The following KIF13A variants were observed in gnomAD, a reference collection of about 807,000 sequenced individuals.
KIF13A encodes kinesin-like protein KIF13A.
A neutral mutation model predicts 212.2 loss-of-function variants in KIF13A; 79 were observed. The ratio of observed to expected loss-of-function variants is 0.37; its 90% CI spans 0.31 to 0.45. The LOEUF is 0.45. Ranked by LOEUF, KIF13A falls within the 20% of genes least tolerant of loss-of-function variation. The pLI is 1.00. For synonymous variants in KIF13A, 789 were observed against 808.6 expected, an observed-to-expected ratio of 0.98 and a Z score of 0.41; for missense variants, 1,901 against 2,209.0, an observed-to-expected ratio of 0.86 and a Z score of 2.79.
chr6:17,836,820 C>A, intron 11 of KIF13A, 58 bp downstream of exon 11: 10 of 1,481,792 alleles, frequency 6.7e-6, no homozygotes, highest in Non-Finnish European at 9.4e-6. Flanking sequence ...ACACCCTTGC[C>A]AGTCAAATCC....
rs1297813935 is a variant in KIF13A, at chr6:17,838,381, G to A, written c.831-798C>T. On this transcript the variant is annotated intron_variant, in intron 9 of 38. Coordinates refer to ENST00000259711, the MANE Select transcript of KIF13A (RefSeq NM_022113.6). This position sits in a 1 kb window ranked among gnomAD's most constrained non-coding sequence, Gnocchi z 4.2. The stretch of plus-strand genomic sequence containing the variant: ...CAAAGAAGGACACAAACTAGCAAGT[G>A]AAAGACTAGACAGCTTTCTTTGTAA... 6.6e-6 allele frequency among the ~76,000 whole-genome samples: 1 copy of A among 151,888 alleles called. No homozygotes were observed. The highest frequency in any genetic ancestry group is 2.4e-5 in the African/African-American group (1 of 41,366).
rs1167108774 is a variant in KIF13A at position 17,773,967 on chromosome 6, A to G, written c.4219-384T>C. 1.3e-5 allele frequency among the ~76,000 whole-genome samples: 2 copies of G among 152,202 alleles called. No homozygotes were observed. Among genetic ancestry groups the G allele is most frequent in the African/African-American group, 4.8e-5 (2 of 41,464 alleles). ...AACACTCTCAAAGGACAACTGTTCC[A>G]TTAGTAATTCTGCCTGGGTAGAAGG... is the stretch of plus-strand genomic sequence containing the variant. On this transcript the variant is annotated intron_variant, in intron 35 of 38. Transcript: ENST00000259711. The surrounding 1 kb of genome is among the most constrained non-coding windows in gnomAD (Gnocchi z 4.2).
rs1770158369 is a variant in KIF13A, at chr6:17,872,927, TGCCCGGACG to T, written c.220+441_220+449del. On this transcript the variant is annotated intron_variant, in intron 4 of 38. Coordinates refer to ENST00000259711, the MANE Select transcript of KIF13A (RefSeq NM_022113.6). The surrounding 1 kb of genome is among the most constrained non-coding windows in gnomAD (Gnocchi z 4.7). ...CTGGGATTACAGATGTGAGCCACCA[TGCCCGGACG>T]AAAAATAAATTTTTAAAAAGATGAA... Among the ~76,000 whole-genome samples the T allele has an allele frequency of 6.6e-6, 1 of 152,144 alleles. No homozygotes were observed. The highest frequency in any genetic ancestry group is 1.5e-5 in the Non-Finnish European group (1 of 68,024).
chr6:17,858,551 A>G (rs1250463805), intron 4 of KIF13A, among the ~76,000 whole-genome samples: 2 of 152,142 alleles, frequency 1.3e-5, no homozygotes, highest in East Asian at 1.9e-4. Context: ...TTCTCAAAGG[A>G]CCTTCCTTAT....
chr6:17,778,827 A>G, intron 33 of KIF13A, 120 bp downstream of exon 33: 1 of 1,167,518 alleles, frequency 8.6e-7, no homozygotes, highest in Non-Finnish European at 1.2e-6. Flanking sequence ...TTCAATAGAG[A>G]TGGCTCAAGT....
At position 17,804,727 on chromosome 6, in the gene KIF13A, C is replaced by A. The variant is rs749462304; in HGVS notation, c.2305-217G>T. Among the ~76,000 whole-genome samples, 3 of 141,638 alleles carry A rather than the reference C, an allele frequency of 2.1e-5. No homozygotes were observed. In the Admixed American group the frequency reaches 2.3e-4, roughly 11 times the overall value. 92.9% of individuals were successfully genotyped at this position (141,638 alleles called of 152,430 possible). A position where few individuals can be genotyped will look rare whatever the true frequency, so the allele number is the denominator to read the frequency against. On this transcript the variant is annotated intron_variant, in intron 19 of 38. Coordinates refer to ENST00000259711, the MANE Select transcript of KIF13A (RefSeq NM_022113.6). Reference sequence around the variant, plus strand: ...ACTCAGGAGGCTGGGGCACGAGAATCGCTTGAACCCAGGAGACAGAGGTTT... The same window carrying A: ...ACTCAGGAGGCTGGGGCACGAGAATAGCTTGAACCCAGGAGACAGAGGTTT...
intron 2 of KIF13A, among the ~76,000 whole-genome samples, chr6:17,975,120 G>A (rs1222050908): frequency 1.3e-5 from 2 of 152,158 alleles, no homozygotes; most frequent in Admixed American, 6.6e-5. Flanking sequence ...GAGGAGGGCA[G>A]ATCATTTGAG....
rs967496369 is a variant in KIF13A at position 17,968,215 on chromosome 6, C to A, written c.146+18839G>T. On this transcript the variant is annotated intron_variant, in intron 2 of 38. Coordinates refer to ENST00000259711, the MANE Select transcript of KIF13A (RefSeq NM_022113.6). The surrounding 1 kb of genome is among the most constrained non-coding windows in gnomAD (Gnocchi z 4.7). ...AGAAGAACCCAGAGATCCCCGCTTA[C>A]TCACCAGGAGAAAGAAGAGTAAGCA... Among the ~76,000 whole-genome samples, 5 of 152,220 alleles carry A rather than the reference C, an allele frequency of 3.3e-5. No individual in the cohort carries two copies. The highest frequency in any genetic ancestry group is 7.3e-5 in the Non-Finnish European group (5 of 68,042).
chr6:17,923,235 C>G (rs1775231206), intron 2 of KIF13A, among the ~76,000 whole-genome samples: 1 of 151,802 alleles, frequency 6.6e-6, no homozygotes, highest in African/African-American at 2.4e-5. Context: ...GATTGTGCCA[C>G]TGTACCCCAG....
Position 17,771,559 on chromosome 6 carries a change from T to C in KIF13A, c.4477-341A>G. On this transcript the variant is annotated intron_variant, in intron 37 of 38. Coordinates refer to ENST00000259711, the MANE Select transcript of KIF13A (RefSeq NM_022113.6). This position sits in a 1 kb window ranked among gnomAD's most constrained non-coding sequence, Gnocchi z 5.4. ...CTGGGCAACACAGCAAGACCCTATCTCTATAAAAAACAAAATCAGAAATCC... is the reference window on the plus strand; with the variant it reads ...CTGGGCAACACAGCAAGACCCTATCCCTATAAAAAACAAAATCAGAAATCC... 1 of 340,440 alleles carries C rather than the reference T, an allele frequency of 2.9e-6. No homozygotes were observed. Among genetic ancestry groups the C allele is most frequent in the Non-Finnish European group, 5.3e-6 (1 of 188,334 alleles). 21.1% of individuals were successfully genotyped at this position (340,440 alleles called of 1,614,324 possible).
chr6:17,858,071 T>C (rs184502991), intron 4 of KIF13A, among the ~76,000 whole-genome samples: 1 of 143,812 alleles, frequency 7.0e-6, no homozygotes, highest in Non-Finnish European at 1.5e-5. Flanking sequence ...AAACCTTATG[T>C]CAAATAGTTA....
In KIF13A at chr6:17,834,744, C is replaced by T. The variant is rs1765774157; in HGVS notation, c.1156-673G>A. 6.6e-6 allele frequency among the ~76,000 whole-genome samples: 1 copy of T among 152,112 alleles called. No homozygotes were observed. The highest frequency in any genetic ancestry group is 1.5e-5 in the Non-Finnish European group (1 of 68,036). The stretch of plus-strand genomic sequence containing the variant: ...CTTTGACACCTTAAAGTAACATGAG[C>T]CTCTACAAAGTTAAAACTCTATGAA... On this transcript the variant is annotated intron_variant, in intron 11 of 38. Transcript: ENST00000259711. The surrounding 1 kb of genome is among the most constrained non-coding windows in gnomAD (Gnocchi z 4.0).
chr6:17,937,090 T>TC (rs1382759297), intron 2 of KIF13A, among the ~76,000 whole-genome samples: 1 of 152,142 alleles, frequency 6.6e-6, no homozygotes, highest in Non-Finnish European at 1.5e-5. Flanking sequence ...TGTGGAAGGA[T>TC]CACCTGAGCC....
Position 17,816,926 on chromosome 6 carries a change from C to A in KIF13A, c.2000+94G>T. Reference sequence around the variant, plus strand: ...TATGGGATTAAGAGTTCTCTTGTTGCTAGGTTTGTCCCTGACATGTCTCAA... The same window carrying A: ...TATGGGATTAAGAGTTCTCTTGTTGATAGGTTTGTCCCTGACATGTCTCAA... On this transcript the variant is annotated intron_variant, in intron 17 of 38. Coordinates refer to ENST00000259711, the MANE Select transcript of KIF13A (RefSeq NM_022113.6). This position sits in a 1 kb window ranked among gnomAD's most constrained non-coding sequence, Gnocchi z 4.3. 1.1e-6 allele frequency: 1 copy of A among 918,226 alleles called. No individual in the cohort carries two copies. 56.9% of individuals were successfully genotyped at this position (918,226 alleles called of 1,614,324 possible). A position where few individuals can be genotyped will look rare whatever the true frequency, so the allele number is the denominator to read the frequency against.
Position 17,768,435 on chromosome 6 carries a change from A to C in KIF13A, c.4581+2679T>G, listed in dbSNP as rs1385479556. 6.6e-6 allele frequency among the ~76,000 whole-genome samples: 1 copy of C among 152,224 alleles called. No homozygotes were observed. The highest frequency in any genetic ancestry group is 1.5e-5 in the Non-Finnish European group (1 of 68,046). Reference sequence around the variant, plus strand: ...TGACTCTTTGTAAGGAGTTTCCTTCATTAATGCAATTTCCACTCCTATTAT... The same window carrying C: ...TGACTCTTTGTAAGGAGTTTCCTTCCTTAATGCAATTTCCACTCCTATTAT... On this transcript the variant is annotated intron_variant, in intron 38 of 38. Coordinates refer to ENST00000259711, the MANE Select transcript of KIF13A (RefSeq NM_022113.6). This position sits in a 1 kb window ranked among gnomAD's most constrained non-coding sequence, Gnocchi z 5.4.
intron 4 of KIF13A, among the ~76,000 whole-genome samples, chr6:17,863,220 G>A (rs1769001430): frequency 6.6e-6 from 1 of 152,152 alleles, no homozygotes; most frequent in Non-Finnish European, 1.5e-5. Context: ...GACCAAATAT[G>A]ATGGTGGTGA....
At chr6:17,964,947 C>G (rs747473656) in intron 2 of KIF13A, among the ~76,000 whole-genome samples, 1 of 151,992 alleles carries the variant, frequency 6.6e-6, no homozygotes, top group African/African-American at 2.4e-5. Flanking sequence ...CTCAGCCTCC[C>G]GAGTAGCTGG....
In KIF13A at chr6:17,872,919, A is replaced by T. The variant is rs1455977837; in HGVS notation, c.220+458T>A. On this transcript the variant is annotated intron_variant, in intron 4 of 38. Transcript: ENST00000259711. This position sits in a 1 kb window ranked among gnomAD's most constrained non-coding sequence, Gnocchi z 4.7. Reference sequence around the variant, plus strand: ...CCAAAGTGCTGGGATTACAGATGTGAGCCACCATGCCCGGACGAAAAATAA... The same window carrying T: ...CCAAAGTGCTGGGATTACAGATGTGTGCCACCATGCCCGGACGAAAAATAA... Among the ~76,000 whole-genome samples, 2 of 152,192 alleles carry T rather than the reference A, an allele frequency of 1.3e-5. No individual in the cohort carries two copies. Among genetic ancestry groups the T allele is most frequent in the Non-Finnish European group, 2.9e-5 (2 of 68,040 alleles).
chr6:17,918,030 G>A lies in KIF13A; in HGVS notation c.147-19850C>T, dbSNP rs1263656558. Among the ~76,000 whole-genome samples the A allele has an allele frequency of 6.6e-6, 1 of 151,690 alleles. No individual in the cohort carries two copies. Among genetic ancestry groups the A allele is most frequent in the Non-Finnish European group, 1.5e-5 (1 of 67,962 alleles). On this transcript the variant is annotated intron_variant, in intron 2 of 38. Transcript: ENST00000259711. This position sits in a 1 kb window ranked among gnomAD's most constrained non-coding sequence, Gnocchi z 4.8. ...TCCTGTCCTGGAATTCTGTTTCCTC[G>A]TGGCACCTGTTGCACTTTCTCGGAG...
Sources: gnomAD v4.1 joint callset for allele counts (sites outside exome capture counted in the v4.1 genomes callset) on GRCh38, gnomAD v4.1.1 for gene constraint, Gnocchi (gnomAD v3.1) non-coding constraint, MANE v1.5 for transcripts, NCBI Gene and HGNC (gene_info 2026-07-23, HGNC 2026-07-21) for gene names.